Variants in SPIDR observed in about 807,000 individuals in gnomAD.
The protein encoded by SPIDR is DNA repair-scaffolding protein.
Under a neutral mutation model 104.6 loss-of-function variants are expected in SPIDR, and 93 were observed. The observed-to-expected ratio is 0.89, with a 90% CI of 0.75 to 1.06. The LOEUF is 1.06. Ranked by LOEUF, SPIDR falls within the 50% of genes least tolerant of loss-of-function variation. SPIDR has a pLI of 0.00. For missense variants in SPIDR, 1,154 were observed against 1,111.2 expected, an observed-to-expected ratio of 1.04 and a Z score of -0.55; for synonymous variants, 431 against 416.9, an observed-to-expected ratio of 1.03 and a Z score of -0.41.
chr8:47,414,812 A>G (rs568358866), intron 7 of SPIDR, among the ~76,000 whole-genome samples: 4 of 152,278 alleles, frequency 2.6e-5, no homozygotes, highest in East Asian at 1.9e-4. Flanking sequence ...TTGAGTGAAC[A>G]TATGTTTTTA....
At chr8:47,307,235 T>C (rs937843312) in intron 5 of SPIDR, among the ~76,000 whole-genome samples, 21 of 151,580 alleles carry the variant, frequency 1.4e-4, no homozygotes, top group African/African-American at 4.6e-4. Context: ...CTTTCTTCTT[T>C]TTTTTTTTTA....
chr8:47,590,267 G>C (rs1294675047), intron 8 of SPIDR, among the ~76,000 whole-genome samples: 1 of 151,400 alleles, frequency 6.6e-6, no homozygotes, highest in African/African-American at 2.4e-5. Context: ...TTAGATTATT[G>C]ATTTGAGACT....
At chr8:47,446,551 T>G (rs1278984302) in intron 8 of SPIDR, among the ~76,000 whole-genome samples, 1 of 152,090 alleles carries the variant, frequency 6.6e-6, no homozygotes, top group Non-Finnish European at 1.5e-5. Flanking sequence ...ACTTTTCAAG[T>G]CTTGCTTTTA....
chr8:47,408,538 A>G (rs1554668918), intron 7 of SPIDR, among the ~76,000 whole-genome samples: 1 of 152,198 alleles, frequency 6.6e-6, no homozygotes. Flanking sequence ...GTACCCTTTG[A>G]CAAATACCTC....
intron 8 of SPIDR, among the ~76,000 whole-genome samples, chr8:47,587,065 C>T (rs535287600): frequency 3.3e-5 from 5 of 152,242 alleles, no homozygotes; most frequent in South Asian, 4.1e-4. Context: ...CCACTGCGCT[C>T]GGCCTCAAGT....
At chr8:47,630,489 T>A (rs527710361) in intron 10 of SPIDR, among the ~76,000 whole-genome samples, 2 of 152,310 alleles carry the variant, frequency 1.3e-5, no homozygotes, top group East Asian at 3.9e-4. Flanking sequence ...TTATATACAT[T>A]GTTTTAGAGT....
intron 5 of SPIDR, among the ~76,000 whole-genome samples, chr8:47,361,395 C>T (rs1172503633): frequency 6.6e-6 from 1 of 152,162 alleles, no homozygotes; most frequent in African/African-American, 2.4e-5. Flanking sequence ...CCAGGAAGGG[C>T]CTGGGTGGGG....
At chr8:47,287,766 C>T (rs1044876370) in intron 3 of SPIDR, among the ~76,000 whole-genome samples, 12 of 152,144 alleles carry the variant, frequency 7.9e-5, no homozygotes, top group Admixed American at 6.5e-5. Flanking sequence ...TTTCAAGGTG[C>T]ACTGATTTCA....
chr8:47,386,198 A>G (rs1457517345), intron 5 of SPIDR, among the ~76,000 whole-genome samples: 2 of 152,094 alleles, frequency 1.3e-5, no homozygotes, highest in African/African-American at 2.4e-5. Context: ...AGGAATATCA[A>G]TCATTGGATA....
At chr8:47,604,293 CAGG>C (rs1259104399) in intron 10 of SPIDR, among the ~76,000 whole-genome samples, 3 of 152,152 alleles carry the variant, frequency 2.0e-5, no homozygotes, top group African/African-American at 7.2e-5. Context: ...AGCTCTTGGA[CAGG>C]AGGGAGAAGC....
intron 5 of SPIDR, among the ~76,000 whole-genome samples, chr8:47,327,382 G>GT (rs1238090559): frequency 1.0e-4 from 15 of 147,198 alleles, no homozygotes; most frequent in Admixed American, 9.4e-4. Flanking sequence ...TCAGTAGGTG[G>GT]TTTTTTCACT....
chr8:47,689,899 C>T (rs188814105), intron 11 of SPIDR, among the ~76,000 whole-genome samples: 1 of 152,074 alleles, frequency 6.6e-6, no homozygotes, highest in Admixed American at 6.6e-5. Context: ...TTATTTGGCA[C>T]GTCAATGTAA....
At chr8:47,375,103 A>G (rs1319046655) in intron 5 of SPIDR, among the ~76,000 whole-genome samples, 1 of 152,090 alleles carries the variant, frequency 6.6e-6, no homozygotes, top group East Asian at 1.9e-4. Flanking sequence ...AGACAAGGCC[A>G]GAGAGATGTG....
chr8:47,414,377 C>T (rs782266701), intron 7 of SPIDR, among the ~76,000 whole-genome samples: 12 of 151,936 alleles, frequency 7.9e-5, no homozygotes, highest in Admixed American at 2.6e-4. Context: ...TTGTTTGGCT[C>T]AAAACAAAAA....
chr8:47,660,250 G>A (rs2073888550), intron 10 of SPIDR, among the ~76,000 whole-genome samples: 1 of 152,032 alleles, frequency 6.6e-6, no homozygotes, highest in Non-Finnish European at 1.5e-5. Flanking sequence ...TCTTTAATTG[G>A]CATAATGGAC....
At chr8:47,378,712 C>G (rs1306976157) in intron 5 of SPIDR, among the ~76,000 whole-genome samples, 4 of 152,146 alleles carry the variant, frequency 2.6e-5, no homozygotes, top group African/African-American at 7.2e-5. Context: ...GATTATTTTG[C>G]TCAAGTTTGA....
chr8:47,293,852 A>C lies in SPIDR; in HGVS notation c.362-15A>C. On this transcript the variant is annotated splice_polypyrimidine_tract_variant and intron_variant, in intron 4 of 19. Coordinates refer to ENST00000297423, the MANE Select transcript of SPIDR (RefSeq NM_001080394.4). ...TAAGGAGATAATTAAGCAAGTTAAA[A>C]ATTATATTTTTTAGATGAATTACAG... The C allele has an allele frequency of 6.3e-7, 1 of 1,597,282 alleles. No individual in the cohort carries two copies. Among genetic ancestry groups the C allele is most frequent in the Non-Finnish European group, 8.5e-7 (1 of 1,170,104 alleles).
intron 7 of SPIDR, among the ~76,000 whole-genome samples, chr8:47,413,107 GT>G (rs1328064798): frequency 6.6e-6 from 1 of 152,234 alleles, no homozygotes; most frequent in Non-Finnish European, 1.5e-5. Context: ...TTAGCTTTGT[GT>G]TGGGTTGTGG....
intron 8 of SPIDR, among the ~76,000 whole-genome samples, chr8:47,500,940 A>T (rs1222718907): frequency 6.6e-6 from 1 of 152,176 alleles, no homozygotes; most frequent in Non-Finnish European, 1.5e-5. Flanking sequence ...TTTGTCAAAG[A>T]TCTGATGGTT....
Sources: gnomAD v4.1 joint callset for allele counts (sites outside exome capture counted in the v4.1 genomes callset) on GRCh38, gnomAD v4.1.1 for gene constraint, MANE v1.5 for transcripts, NCBI Gene and HGNC (gene_info 2026-07-23, HGNC 2026-07-21) for gene names.